KYNU: variants seen among roughly 807,000 people sequenced by gnomAD.
The protein encoded by KYNU is kynureninase.
A neutral mutation model predicts 59.2 loss-of-function variants in KYNU; 54 were observed. The ratio of observed to expected loss-of-function variants is 0.91; its 90% CI spans 0.73 to 1.14. The LOEUF is 1.14. Ranked by LOEUF, KYNU falls within the 50% of genes most tolerant of loss-of-function variation. The probability of loss-of-function intolerance (pLI) is 0.00; values close to 1 mark genes in which losing one functional copy is unlikely to be tolerated. For missense variants in KYNU, 567 were observed against 554.4 expected (o/e 1.02, Z -0.23); for synonymous variants, 177 against 192.0 (o/e 0.92, Z 0.65).
chr2:142,916,430 C>A (rs1336333097), intron 2 of KYNU, among the ~76,000 whole-genome samples: 1 of 152,234 alleles, frequency 6.6e-6, no homozygotes, highest in East Asian at 1.9e-4. Context: ...AGAGGAATTG[C>A]AGCAGAGACT....
intron 10 of KYNU, among the ~76,000 whole-genome samples, chr2:143,006,465 A>G (rs963857142): frequency 6.9e-6 from 1 of 145,260 alleles, no homozygotes; most frequent in African/African-American, 2.6e-5. Context: ...GCAAGGTGGC[A>G]GCGAGGCTGG....
intron 7 of KYNU, among the ~76,000 whole-genome samples, chr2:142,958,949 T>C (rs879575092): frequency 6.6e-6 from 1 of 151,956 alleles, no homozygotes; most frequent in Non-Finnish European, 1.5e-5. Flanking sequence ...TTATCAATTT[T>C]ACTTACAATT....
At chr2:143,024,109 A>G (rs1322192468) in intron 10 of KYNU, among the ~76,000 whole-genome samples, 1 of 151,396 alleles carries the variant, frequency 6.6e-6, no homozygotes, top group Non-Finnish European at 1.5e-5. Context: ...ATTCAGACCA[A>G]AAAAAAATGA....
chr2:142,972,813 T>TATATATAGAG (rs1478067181), intron 8 of KYNU, among the ~76,000 whole-genome samples: 78 of 124,218 alleles, frequency 6.3e-4, no homozygotes, highest in South Asian at 3.1e-3. Context: ...TATATATATA[T>TATATATAGAG]AGAGAGAGAG....
rs1188451151 is a variant in KYNU at position 143,038,843 on chromosome 2, GAT to G, written c.1042-1583_1042-1582del. On this transcript the variant is annotated intron_variant, in intron 12 of 13. Transcript: ENST00000264170. ...CAGGAATAACTGTTTTCATAGACTT[GAT>G]AAAGTCTCAATATCACCAAATGACC... Among the ~76,000 whole-genome samples, 7 of 152,204 alleles carry G rather than the reference GAT, an allele frequency of 4.6e-5. No individual in the cohort carries two copies. The East Asian group carries it at 1.4e-3, about 29-fold the overall frequency.
chr2:143,025,067 T>A (rs1686513883), intron 10 of KYNU, among the ~76,000 whole-genome samples: 1 of 152,140 alleles, frequency 6.6e-6, no homozygotes, highest in Admixed American at 6.5e-5. Context: ...TTTCTAGTTC[T>A]TTCCTGATTT....
rs1053171117 is a variant in KYNU, at chr2:143,054,042, G to A, written c.*11870G>A. On this transcript the variant is annotated 3_prime_UTR_variant, in exon 14 of 14. Coordinates refer to ENST00000264170, the MANE Select transcript of KYNU (RefSeq NM_003937.3). ...CCTATACACATTTTGGTGACCAGAG[G>A]TAAAGCATTTTATGTTGATTCTTGA... 7.9e-5 allele frequency: 12 copies of A among 152,180 alleles called. No individual in the cohort carries two copies. The highest frequency in any genetic ancestry group is 7.2e-4 in the Admixed American group (11 of 15,264). 9.4% of individuals were successfully genotyped at this position (152,180 alleles called of 1,614,324 possible). A position where few individuals can be genotyped will look rare whatever the true frequency, so the allele number is the denominator to read the frequency against.
Position 143,029,765 on chromosome 2 carries a change from T to C in KYNU, c.955+86T>C, listed in dbSNP as rs1686690896. 4.9e-6 allele frequency: 4 copies of C among 821,560 alleles called. No homozygotes were observed. In the Admixed American group the frequency reaches 7.3e-5, roughly 15 times the overall value. The allele number at this position is 821,560 out of a possible 1,614,324, so 50.9% of individuals were successfully genotyped here. ...GTCTTTGTATTATGTGTAATGTATA[T>C]GCCCCAGGGAGAGTGCACTTCAAAA... On this transcript the variant is annotated intron_variant, in intron 11 of 13. Coordinates refer to ENST00000264170, the MANE Select transcript of KYNU (RefSeq NM_003937.3).
At chr2:142,937,766 A>C (rs1683440429) in intron 4 of KYNU, among the ~76,000 whole-genome samples, 1 of 152,238 alleles carries the variant, frequency 6.6e-6, no homozygotes, top group African/African-American at 2.4e-5. Context: ...GATTAGCACA[A>C]GAGTAGGTTA....
chr2:143,035,484 C>G (rs1049844087), intron 12 of KYNU, among the ~76,000 whole-genome samples: 5 of 152,156 alleles, frequency 3.3e-5, no homozygotes, highest in Non-Finnish European at 7.3e-5. Context: ...GAATTGCTTC[C>G]CTTTCTCTGT....
rs984353300 is a variant in KYNU, at chr2:143,009,722, G to T, written c.903-19905G>T. On this transcript the variant is annotated intron_variant, in intron 10 of 13. Transcript: ENST00000264170. ...AAAAGCTTATCCACCATGATCAAGT[G>T]GGCTTCATCCCTGGGATGCAAGGCT... Among the ~76,000 whole-genome samples, 13 of 99,440 alleles carry T rather than the reference G, an allele frequency of 1.3e-4. 2 individuals are homozygous for T. The highest frequency in any genetic ancestry group is 5.5e-4 in the African/African-American group (10 of 18,270). 65.2% of individuals were successfully genotyped at this position (99,440 alleles called of 152,430 possible).
At chr2:142,888,789 A>G (rs1264607027) in intron 2 of KYNU, among the ~76,000 whole-genome samples, 1 of 150,748 alleles carries the variant, frequency 6.6e-6, no homozygotes, top group Non-Finnish European at 1.5e-5. Flanking sequence ...ATAGTCAGTT[A>G]CCCTACTCGA....
intron 8 of KYNU, among the ~76,000 whole-genome samples, chr2:142,974,288 G>T (rs1259361675): frequency 6.6e-6 from 1 of 152,204 alleles, no homozygotes; most frequent in Admixed American, 6.5e-5. Flanking sequence ...CCCACATGGT[G>T]CAAGAGAGAA....
intron 10 of KYNU, among the ~76,000 whole-genome samples, chr2:143,005,285 GT>G (rs1685837322): frequency 6.6e-6 from 1 of 152,126 alleles, no homozygotes. Flanking sequence ...GACCTACCTG[GT>G]TGTGTCTAAA....
At position 143,044,450 on chromosome 2, in the gene KYNU, A is replaced by G. The variant is rs1573927439; in HGVS notation, c.*2278A>G. ...GTTGAACTAATTTATACTCCCACCA[A>G]CAGTGTAAAAGCATTCCTATTTCTC... On this transcript the variant is annotated 3_prime_UTR_variant, in exon 14 of 14. Transcript: ENST00000264170. 6.6e-6 allele frequency: 1 copy of G among 152,252 alleles called. No homozygotes were observed. The highest frequency in any genetic ancestry group is 1.9e-4 in the East Asian group (1 of 5,174). 9.4% of individuals were successfully genotyped at this position (152,252 alleles called of 1,614,324 possible).
intron 3 of KYNU, among the ~76,000 whole-genome samples, chr2:142,924,240 G>A (rs1010734123): frequency 2.0e-5 from 3 of 151,934 alleles, no homozygotes; most frequent in African/African-American, 7.3e-5. Context: ...GAGTAGCTAC[G>A]ACTATAGGTA....
chr2:142,941,300 G>A lies in KYNU; in HGVS notation c.374-13510G>A, dbSNP rs138051293. Among the ~76,000 whole-genome samples, 12 of 152,278 alleles carry A rather than the reference G, an allele frequency of 7.9e-5. No individual in the cohort carries two copies. In the East Asian group the frequency reaches 2.3e-3, roughly 29 times the overall value. On this transcript the variant is annotated intron_variant, in intron 4 of 13. Coordinates refer to ENST00000264170, the MANE Select transcript of KYNU (RefSeq NM_003937.3). ...CCACTTGGAATATCCAAGGGTTTTA[G>A]CAGCCCTGTACCCTGAACTGAGAAC... is the stretch of plus-strand genomic sequence containing the variant.
chr2:142,916,809 G>A lies in KYNU; in HGVS notation c.170-1800G>A, dbSNP rs139130859. ...AATACCTACAAGAAGAGTGAACTGC[G>A]GTCTTGAAGCATTGTGACTTAACCA... On this transcript the variant is annotated intron_variant, in intron 2 of 13. Coordinates refer to ENST00000264170, the MANE Select transcript of KYNU (RefSeq NM_003937.3). Among the ~76,000 whole-genome samples, 28 of 152,296 alleles carry A rather than the reference G, an allele frequency of 1.8e-4. 1 individual carries two copies. The East Asian group carries it at 3.9e-3, about 21-fold the overall frequency.
At chr2:142,898,066 TAATTTTTAAA>T (rs1681941294) in intron 2 of KYNU, among the ~76,000 whole-genome samples, 2 of 152,096 alleles carry the variant, frequency 1.3e-5, no homozygotes, top group African/African-American at 4.8e-5. Flanking sequence ...CATGTCTGGC[TAATTTTTAAA>T]AATTTTTCCC....
Sources: allele counts gnomAD v4.1 joint callset (sites outside exome capture counted in the v4.1 genomes callset), GRCh38; gene constraint gnomAD v4.1.1; transcripts MANE v1.5; gene names NCBI Gene and HGNC (gene_info 2026-07-23, HGNC 2026-07-21).